Variants in HMCN2 observed in about 807,000 individuals in gnomAD.
The protein encoded by HMCN2 is hemicentin-2.
HMCN2 carries 325 observed loss-of-function variants against 377.5 expected under a neutral mutation model. The ratio of observed to expected loss-of-function variants is 0.86; its 90% CI spans 0.79 to 0.94. HMCN2 has a LOEUF of 0.94. HMCN2 is among the 40% of genes least tolerant of loss of function. The pLI, the probability that HMCN2 is intolerant of heterozygous loss-of-function variation, is 0.00. For synonymous variants in HMCN2, 2,007 were observed against 2,046.8 expected (o/e 0.98, Z 0.53); for missense variants, 4,543 against 4,725.3 (o/e 0.96, Z 1.13).
Position 130,394,001 on chromosome 9 carries a change from C to A in HMCN2, c.10494C>A (p.Thr3498=), listed in dbSNP as rs1302256775. ...AGEARRHFQL[T]VMEPPHIEDS... is the part of the protein sequence containing the mutation. ...AAGCCAGGAGGCATTTCCAGCTGACCGTCATGGGTGGGTCCTCTGGCCTCT... is the reference window on the plus strand; with the variant it reads ...AAGCCAGGAGGCATTTCCAGCTGACAGTCATGGGTGGGTCCTCTGGCCTCT... Residue 3498 remains threonine (T), a synonymous_variant, in exon 68 of 98, where the codon ACC becomes ACA. Transcript: ENST00000683500. The surrounding 1 kb of genome is among the most constrained non-coding windows in gnomAD (Gnocchi z 5.1). 7.9e-7 allele frequency: 1 copy of A among 1,260,094 alleles called. No individual in the cohort carries two copies. The highest frequency in any genetic ancestry group is 2.5e-5 in the Admixed American group (1 of 40,236). The allele number at this position is 1,260,094 out of a possible 1,614,324, so 78.1% of individuals were successfully genotyped here.
intron 22 of HMCN2, among the ~76,000 whole-genome samples, chr9:130,328,472 G>A (rs1838263059): frequency 1.3e-5 from 2 of 152,216 alleles, no homozygotes; most frequent in African/African-American, 4.8e-5. Flanking sequence ...CCTCCTCGCC[G>A]TGGTGCGTTA....
chr9:130,385,930 A>G (rs2210623), intron 60 of HMCN2, among the ~76,000 whole-genome samples, 168 bp downstream of exon 60: 96,530 of 152,014 alleles, frequency 0.64, 32,607 homozygotes, highest in East Asian at 0.87. Flanking sequence ...AGACATGGGC[A>G]GAGCTCAGGG....
chr9:130,318,380 G>T (rs1192370804), intron 15 of HMCN2, among the ~76,000 whole-genome samples: 2 of 152,154 alleles, frequency 1.3e-5, no homozygotes, highest in East Asian at 3.8e-4. Context: ...TGCTGCAGGG[G>T]CCTGGGACAA....
Position 130,391,281 on chromosome 9 carries a change from G to A in HMCN2, c.9745G>A (p.Glu3249Lys). ...LEGQEVRLDC[E>K]ADGQPPPDVA... ...AGGGCAGGAGGTGCGGCTGGACTGT[G>A]AGGCCGATGGGCAGCCGCCGCCGGA... Residue 3249 changes from glutamate (E) to lysine (K), a missense_variant, in exon 64 of 98, where the codon GAG becomes AAG. Physicochemically the swap from Glu to Lys is moderately conservative, Grantham distance 56. Transcript: ENST00000683500. 1 of 987,720 alleles carries A rather than the reference G, an allele frequency of 1.0e-6. No homozygotes were observed. The highest frequency in any genetic ancestry group is 1.2e-6 in the Non-Finnish European group (1 of 830,152). The allele number at this position is 987,720 out of a possible 1,614,324, so 61.2% of individuals were successfully genotyped here.
intron 19 of HMCN2, among the ~76,000 whole-genome samples, chr9:130,324,620 T>G (rs1838030622): frequency 6.6e-6 from 1 of 152,124 alleles, no homozygotes; most frequent in Non-Finnish European, 1.5e-5. Flanking sequence ...CTCTTAGTGG[T>G]TTTTTAATTT....
rs1423955968 is a variant in HMCN2 at position 130,341,093 on chromosome 9, C to T, written c.3488-18C>T. ...GCCTGGGTCCCCCAACCTTGATACC[C>T]CTCCTGTGGCCCCTCAGTCCCCCCT... On this transcript the variant is annotated intron_variant, in intron 23 of 97. Transcript: ENST00000683500. The T allele has an allele frequency of 1.3e-5, 2 of 152,438 alleles. No individual in the cohort carries two copies. Among genetic ancestry groups the T allele is most frequent in the Non-Finnish European group, 2.9e-5 (2 of 68,240 alleles). 9.4% of individuals were successfully genotyped at this position (152,438 alleles called of 1,614,324 possible).
chr9:130,374,671 A>T lies in HMCN2; in HGVS notation c.7608A>T (p.Lys2536Asn), dbSNP rs531678807. Residue 2536 changes from lysine to asparagine, a missense_variant, in exon 49 of 98, where the codon AAA becomes AAT. Around this residue, in one of 5 missense-constraint regions of HMCN2, gnomAD observed 736 missense variants for 773.2 expected, o/e 0.95. Transcript: ENST00000683500. ...CCAACGCTGTTGGGGAGAAGACCAA[A>T]CACTTCCAGCTCAGTGTCCTGTGTA... is the stretch of plus-strand genomic sequence containing the variant. ...IAANAVGEKT[K>N]HFQLSVLLAP... The T allele has an allele frequency of 6.0e-5, 59 of 985,784 alleles. No individual in the cohort carries two copies. In the South Asian group the frequency reaches 2.5e-3, roughly 42 times the overall value. 61.1% of individuals were successfully genotyped at this position (985,784 alleles called of 1,614,324 possible). A position where few individuals can be genotyped will look rare whatever the true frequency, so the allele number is the denominator to read the frequency against.
intron 4 of HMCN2, among the ~76,000 whole-genome samples, chr9:130,291,440 C>G (rs1455901399): frequency 1.3e-5 from 2 of 152,172 alleles, no homozygotes; most frequent in South Asian, 2.1e-4. Flanking sequence ...AAACTTCTGA[C>G]CTAAGGTGAT....
At chr9:130,395,776 C>G (rs1179429766) in intron 71 of HMCN2, 148 bp from the exon 72 acceptor site, 1 of 772,328 alleles carries the variant, frequency 1.3e-6, no homozygotes, top group Non-Finnish European at 1.8e-6. Context: ...GGGTCCTCGG[C>G]GGGGCACAGT....
chr9:130,358,304 C>T (rs568405087), intron 35 of HMCN2, 86 bp from the exon 36 acceptor site: 42 of 1,292,524 alleles, frequency 3.2e-5, no homozygotes, highest in Middle Eastern at 2.2e-4. Flanking sequence ...CTCCTGCCCC[C>T]GGGCTCGGCA....
At position 130,428,988 on chromosome 9, in the gene HMCN2, T is replaced by C. The variant is rs745319229; in HGVS notation, c.14197+499T>C. ...CTAACAGTCTATGGCTGTAGGACCG[T>C]GGGTCCACCCGGCTCCTCTGAGAGA... On this transcript the variant is annotated intron_variant, in intron 93 of 97. Coordinates refer to ENST00000683500, the MANE Select transcript of HMCN2 (RefSeq NM_001291815.2). This position sits in a 1 kb window ranked among gnomAD's most constrained non-coding sequence, Gnocchi z 5.0. Among the ~76,000 whole-genome samples the C allele has an allele frequency of 6.6e-5, 10 of 152,218 alleles. No homozygotes were observed. The highest frequency in any genetic ancestry group is 1.5e-4 in the Non-Finnish European group (10 of 68,036).
At chr9:130,411,637 G>T (rs1266455050) in intron 85 of HMCN2, among the ~76,000 whole-genome samples, 1 of 148,416 alleles carries the variant, frequency 6.7e-6, no homozygotes, top group Non-Finnish European at 1.5e-5. Flanking sequence ...GGAATGCAAT[G>T]CAATTCTGAC....
intron 84 of HMCN2, among the ~76,000 whole-genome samples, chr9:130,409,632 G>T (rs1843307590): frequency 6.6e-6 from 1 of 152,210 alleles, no homozygotes; most frequent in East Asian, 1.9e-4. Flanking sequence ...TGTGGGCCAG[G>T]CACGGGGCCT....
chr9:130,429,320 G>A, intron 93 of HMCN2: 1 of 576,296 alleles, frequency 1.7e-6, no homozygotes, highest in South Asian at 2.1e-5. Flanking sequence ...CGGAACCCAG[G>A]ACTCTGCCCA....
At chr9:130,305,642 A>T (rs1836808239) in intron 11 of HMCN2, among the ~76,000 whole-genome samples, 1 of 152,126 alleles carries the variant, frequency 6.6e-6, no homozygotes, top group Non-Finnish European at 1.5e-5. Context: ...CCAGTGTGGG[A>T]GGGCTGTGGT....
intron 76 of HMCN2, among the ~76,000 whole-genome samples, chr9:130,400,049 C>G (rs1842788978): frequency 6.6e-6 from 1 of 152,066 alleles, no homozygotes; most frequent in Non-Finnish European, 1.5e-5. Flanking sequence ...AGCTGCTCAG[C>G]TTCTTGTTTC....
chr9:130,362,822 A>G, intron 39 of HMCN2, 45 bp from the exon 40 acceptor site: 1 of 985,738 alleles, frequency 1.0e-6, no homozygotes, highest in Non-Finnish European at 1.2e-6. Flanking sequence ...GGGGCCTGCA[A>G]CAGCAGGACA....
Position 130,429,565 on chromosome 9 carries a change from G to C in HMCN2, c.14206G>C (p.Glu4736Gln). Residue 4736 changes from glutamate to glutamine, a missense_variant, in exon 94 of 98, where the codon GAA becomes CAA. Physicochemically the swap from Glu to Gln is conservative, Grantham distance 29 (BLOSUM62 2). Around this residue, in one of 5 missense-constraint regions of HMCN2, gnomAD observed 1,155 missense variants for 1,157.7 expected, o/e 1.00. Transcript: ENST00000683500. Reference protein sequence around the residue: ...ADGAGCEDVDECLEGLDDCHY... With the variant: ...ADGAGCEDVDQCLEGLDDCHY... Reference sequence around the variant, plus strand: ...ATGCCCCTGCCTCCCAGATGTGGACGAATGCCTGGAGGGGTTGGACGACTG... The same window carrying C: ...ATGCCCCTGCCTCCCAGATGTGGACCAATGCCTGGAGGGGTTGGACGACTG... The C allele has an allele frequency of 6.4e-7, 1 of 1,550,482 alleles. No individual in the cohort carries two copies. The highest frequency in any genetic ancestry group is 1.2e-5 in the South Asian group (1 of 84,060).
intron 25 of HMCN2, among the ~76,000 whole-genome samples, chr9:130,345,716 C>T (rs1355057806): frequency 2.0e-5 from 3 of 151,728 alleles, no homozygotes; most frequent in Non-Finnish European, 4.4e-5. Flanking sequence ...GCATTCTGGG[C>T]AGAGGATTCC....
Sources: allele counts gnomAD v4.1 joint callset (sites outside exome capture counted in the v4.1 genomes callset), GRCh38; gene constraint gnomAD v4.1.1; regional missense constraint gnomAD v4.1.1; non-coding constraint Gnocchi (gnomAD v3.1); transcripts MANE v1.5; gene names NCBI Gene and HGNC (gene_info 2026-07-23, HGNC 2026-07-21).